CEP128: variants seen among roughly 807,000 people sequenced by gnomAD.
CEP128 encodes the protein centrosomal protein 128, also known as centrosomal protein 128kDa.
In CEP128, 132 loss-of-function variants were observed where a neutral mutation model predicts 156.7. The observed-to-expected ratio is 0.84, with a 90% CI of 0.73 to 0.97. The LOEUF (loss-of-function observed/expected upper bound fraction) is 0.97, where lower values mean the gene tolerates loss of function less well. CEP128 is among the 50% of genes least tolerant of loss of function. CEP128 has a pLI of 0.00. For synonymous variants in CEP128, 469 were observed against 448.9 expected (o/e 1.04, Z -0.57); for missense variants, 1,252 against 1,281.9 (o/e 0.98, Z 0.36).
At chr14:80,808,113 C>G (rs149763853) in intron 13 of CEP128, among the ~76,000 whole-genome samples, 2 of 152,218 alleles carry the variant, frequency 1.3e-5, no homozygotes, top group African/African-American at 4.8e-5. Flanking sequence ...CTATGCTTGG[C>G]CTCACAAGCA....
At chr14:80,703,129 G>A (rs2139371193) in intron 19 of CEP128, among the ~76,000 whole-genome samples, 1 of 152,168 alleles carries the variant, frequency 6.6e-6, no homozygotes, top group East Asian at 1.9e-4. Context: ...TAAAAGGCAG[G>A]CAAAATCAAT....
At chr14:80,521,233 T>G (rs1566754600) in intron 23 of CEP128, among the ~76,000 whole-genome samples, 1 of 152,078 alleles carries the variant, frequency 6.6e-6, no homozygotes, top group Admixed American at 6.5e-5. Flanking sequence ...ATTTCTTTTG[T>G]TTTTAGTACC....
In CEP128 at chr14:80,591,618, A is replaced by G. The variant is rs535702027; in HGVS notation, c.2807-11195T>C. On this transcript the variant is annotated intron_variant, in intron 19 of 24. Coordinates refer to ENST00000555265, the MANE Select transcript of CEP128 (RefSeq NM_152446.5). ...TCAATGAGACAGAAAATTAACAAGG[A>G]TATTCAGGACTTGAATTCAGCTCTG... Among the ~76,000 whole-genome samples the G allele has an allele frequency of 1.9e-3, 293 of 152,296 alleles. 1 individual carries two copies. Among genetic ancestry groups the G allele is most frequent in the Non-Finnish European group, 3.0e-3 (201 of 68,014 alleles).
intron 19 of CEP128, among the ~76,000 whole-genome samples, chr14:80,589,971 G>C (rs1448238077): frequency 6.6e-6 from 1 of 152,018 alleles, no homozygotes; most frequent in Non-Finnish European, 1.5e-5. Context: ...GAAAATTCAG[G>C]TAACAAGCGT....
chr14:80,951,969 T>C (rs1235400902), intron 2 of CEP128, among the ~76,000 whole-genome samples: 1 of 151,838 alleles, frequency 6.6e-6, no homozygotes, highest in Non-Finnish European at 1.5e-5. Flanking sequence ...TACCTAATAA[T>C]AGAACTTCAA....
intron 23 of CEP128, among the ~76,000 whole-genome samples, chr14:80,524,658 T>C (rs1888897066): frequency 6.6e-6 from 1 of 152,220 alleles, no homozygotes; most frequent in South Asian, 2.1e-4. Flanking sequence ...CACCAATGAC[T>C]ACCAAAAATG....
chr14:80,807,856 G>T (rs944883393), intron 13 of CEP128, among the ~76,000 whole-genome samples: 3 of 152,122 alleles, frequency 2.0e-5, no homozygotes, highest in African/African-American at 7.2e-5. Flanking sequence ...CACATCCTGG[G>T]TGCCCACGGA....
At position 80,716,241 on chromosome 14, in the gene CEP128, T is replaced by G. The variant is rs370308331; in HGVS notation, c.2806+26834A>C. 2.6e-5 allele frequency among the ~76,000 whole-genome samples: 4 copies of G among 152,290 alleles called. No individual in the cohort carries two copies. In the East Asian group the frequency reaches 5.8e-4, roughly 22 times the overall value. On this transcript the variant is annotated intron_variant, in intron 19 of 24. Coordinates refer to ENST00000555265, the MANE Select transcript of CEP128 (RefSeq NM_152446.5). ...AGATAAAATTCACACACCATATAAT[T>G]TATCCATTTAAAGTGTACAACCTGA...
intron 17 of CEP128, among the ~76,000 whole-genome samples, chr14:80,760,487 G>A (rs1899905252): frequency 1.3e-5 from 2 of 151,984 alleles, no homozygotes; most frequent in African/African-American, 4.8e-5. Context: ...AGAAAGGAAG[G>A]TCATTCTAGA....
chr14:80,587,245 C>A (rs769170312), intron 19 of CEP128, among the ~76,000 whole-genome samples: 3 of 152,078 alleles, frequency 2.0e-5, no homozygotes, highest in Non-Finnish European at 4.4e-5. Flanking sequence ...GGATATACCG[C>A]AATGAGTTAA....
chr14:80,852,658 T>TA (rs953629919), intron 9 of CEP128, among the ~76,000 whole-genome samples: 9 of 151,616 alleles, frequency 5.9e-5, no homozygotes, highest in Non-Finnish European at 1.2e-4. Context: ...CAATAAACAT[T>TA]AAAAAAAATT....
intron 1 of CEP128, among the ~76,000 whole-genome samples, chr14:80,958,644 C>T (rs1459914343): frequency 2.0e-5 from 3 of 151,916 alleles, no homozygotes; most frequent in Non-Finnish European, 4.4e-5. Context: ...TCTTTCTTGA[C>T]AAGAAAATCT....
intron 13 of CEP128, 78 bp from the exon 14 acceptor site, chr14:80,793,188 C>T (rs1901812975): frequency 9.4e-7 from 1 of 1,060,610 alleles, no homozygotes; most frequent in African/African-American, 1.6e-5. Context: ...AAACAAGAAT[C>T]TCTAATGTCA....
At chr14:80,679,762 T>G (rs1041743769) in intron 19 of CEP128, among the ~76,000 whole-genome samples, 5 of 149,562 alleles carry the variant, frequency 3.3e-5, no homozygotes, top group African/African-American at 1.2e-4. Context: ...GTGATCTTTG[T>G]GAACTACTCC....
chr14:80,831,900 G>A (rs974899998), intron 12 of CEP128, among the ~76,000 whole-genome samples: 1 of 152,254 alleles, frequency 6.6e-6, no homozygotes, highest in African/African-American at 2.4e-5. Flanking sequence ...CATCCTCAAT[G>A]AGCTTACATC....
intron 20 of CEP128, among the ~76,000 whole-genome samples, chr14:80,578,698 G>C (rs1429289248): frequency 6.6e-6 from 1 of 152,138 alleles, no homozygotes; most frequent in Non-Finnish European, 1.5e-5. Flanking sequence ...TATCACCTCT[G>C]ATAATCATAT....
chr14:80,781,455 CAAAAAAA>C (rs67179008), intron 15 of CEP128, among the ~76,000 whole-genome samples: 1 of 90,518 alleles, frequency 1.1e-5, no homozygotes, highest in Non-Finnish European at 2.1e-5. Flanking sequence ...GACTCCGTCT[CAAAAAAA>C]AAAAAAAAAA....
intron 16 of CEP128, among the ~76,000 whole-genome samples, chr14:80,774,190 A>C (rs1900664061): frequency 6.6e-6 from 1 of 152,182 alleles, no homozygotes; most frequent in Admixed American, 6.5e-5. Context: ...GGTTTATATG[A>C]ATTTTGATGC....
chr14:80,615,119 C>G (rs764271762), intron 19 of CEP128, among the ~76,000 whole-genome samples: 12 of 152,082 alleles, frequency 7.9e-5, no homozygotes, highest in Non-Finnish European at 1.6e-4. Flanking sequence ...GAAATCAGCT[C>G]AGTGCTATGA....
Sources: allele counts gnomAD v4.1 joint callset (sites outside exome capture counted in the v4.1 genomes callset), GRCh38; gene constraint gnomAD v4.1.1; transcripts MANE v1.5; gene names NCBI Gene and HGNC (gene_info 2026-07-23, HGNC 2026-07-21).